SLC16A13: variants seen among roughly 807,000 people sequenced by gnomAD.
The protein encoded by SLC16A13 is solute carrier family 16 member 13, also known as monocarboxylate transporter 13.
A neutral mutation model predicts 28.1 loss-of-function variants in SLC16A13; 28 were observed. The observed-to-expected ratio is 1.00, with a 90% CI of 0.74 to 1.37. SLC16A13 has a LOEUF of 1.37. SLC16A13 is among the 40% of genes most tolerant of loss of function. The pLI is 0.00. For missense variants in SLC16A13, 482 were observed against 531.8 expected (o/e 0.91, Z 0.92); for synonymous variants, 228 against 241.6 (o/e 0.94, Z 0.52).
chr17:7,036,592 C>T lies in SLC16A13; in HGVS notation c.199+11C>T, dbSNP rs1231316075. Reference sequence around the variant, plus strand: ...TGCAGCAGTTTGGGAGTGAGTGCGGCGCCTGGATCTGGCGGACTGCGACCC... The same window carrying T: ...TGCAGCAGTTTGGGAGTGAGTGCGGTGCCTGGATCTGGCGGACTGCGACCC... On this transcript the variant is annotated intron_variant, in intron 1 of 3. Coordinates refer to ENST00000308027, the MANE Select transcript of SLC16A13 (RefSeq NM_201566.3). 6.2e-7 allele frequency: 1 copy of T among 1,612,174 alleles called. No individual in the cohort carries two copies. The highest frequency in any genetic ancestry group is 1.7e-5 in the Admixed American group (1 of 60,022).
At position 7,039,259 on chromosome 17, in the gene SLC16A13, G is replaced by A. The variant is rs748819141; in HGVS notation, c.1081+370G>A. On this transcript the variant is annotated intron_variant, in intron 3 of 3. Transcript: ENST00000308027. The surrounding 1 kb of genome is among the most constrained non-coding windows in gnomAD (Gnocchi z 4.3). ...CCTGGTCAAAGTTCTGCTGGCTCAG[G>A]GTGCCAGAACTTTCAGACCTTTATC... Among the ~76,000 whole-genome samples, 1 of 152,106 alleles carries A rather than the reference G, an allele frequency of 6.6e-6. No individual in the cohort carries two copies. The highest frequency in any genetic ancestry group is 1.5e-5 in the Non-Finnish European group (1 of 68,000).
chr17:7,036,358 T>C lies in SLC16A13; in HGVS notation c.-25T>C, dbSNP rs368051867. The C allele has an allele frequency of 1.9e-6, 3 of 1,589,532 alleles. No individual in the cohort carries two copies. The highest frequency in any genetic ancestry group is 1.7e-6 in the Non-Finnish European group (2 of 1,168,210). On this transcript the variant is annotated 5_prime_UTR_variant, in exon 1 of 4. Transcript: ENST00000308027. ...ACCCGGCTCCTGCAGAGGCTCTGGG[T>C]GGCAGCAGCCCTGTTACCGCTTAGA...
rs767787379 is a variant in SLC16A13 at position 7,036,725 on chromosome 17, A to T, written c.200-2A>T. 14 of 1,612,134 alleles carry T rather than the reference A, an allele frequency of 8.7e-6. No individual in the cohort carries two copies. Among genetic ancestry groups the T allele is most frequent in the Non-Finnish European group, 1.1e-5 (13 of 1,179,936 alleles). On this transcript the variant is annotated splice_acceptor_variant, in intron 1 of 3. Coordinates refer to ENST00000308027, the MANE Select transcript of SLC16A13 (RefSeq NM_201566.3). LOFTEE classifies it high-confidence loss of function. ...CTCGCAGCGCCCCTTCCACTTCCTCAGGCCCGGTAGGCAGTGCCCTGAGCA... is the reference window on the plus strand; with the variant it reads ...CTCGCAGCGCCCCTTCCACTTCCTCTGGCCCGGTAGGCAGTGCCCTGAGCA...
chr17:7,036,293 C>G lies in SLC16A13; in HGVS notation c.-90C>G, dbSNP rs1158891942. 2 of 1,383,510 alleles carry G rather than the reference C, an allele frequency of 1.4e-6. No individual in the cohort carries two copies. Among genetic ancestry groups the G allele is most frequent in the Non-Finnish European group, 2.0e-6 (2 of 1,018,244 alleles). The allele number at this position is 1,383,510 out of a possible 1,614,324, so 85.7% of individuals were successfully genotyped here. ...CCAACCCCTCTCGGCCCCGAGCCAC[C>G]CGGCAGCGGGGGTGGGTGTGCAGAG... On this transcript the variant is annotated 5_prime_UTR_variant, in exon 1 of 4. Coordinates refer to ENST00000308027, the MANE Select transcript of SLC16A13 (RefSeq NM_201566.3).
Position 7,038,752 on chromosome 17 carries a change from G to T in SLC16A13, c.944G>T (p.Gly315Val). Residue 315 changes from glycine (G) to valine (V), a missense_variant, in exon 3 of 4, where the codon GGC (glycine) becomes GTC (valine). By Grantham distance (109) the Gly-to-Val change is moderately radical. Transcript: ENST00000308027. This position sits in a 1 kb window ranked among gnomAD's most constrained non-coding sequence, Gnocchi z 5.7. ...TALVALAVAY[G>V]FTSGALAPLA... ...CTGGTGGCTCTGGCTGTGGCCTACGGCTTCACATCAGGGGCTCTGGCCCCA... is the reference window on the plus strand; with the variant it reads ...CTGGTGGCTCTGGCTGTGGCCTACGTCTTCACATCAGGGGCTCTGGCCCCA... The T allele has an allele frequency of 6.2e-7, 1 of 1,614,082 alleles. No individual in the cohort carries two copies. Among genetic ancestry groups the T allele is most frequent in the Non-Finnish European group, 8.5e-7 (1 of 1,179,964 alleles).
At chr17:7,037,358 A>AAAAAAAAAAG in intron 2 of SLC16A13, among the ~76,000 whole-genome samples, 1 of 140,318 alleles carries the variant, frequency 7.1e-6, no homozygotes, top group Non-Finnish European at 1.6e-5. Flanking sequence ...AAAAAAAAAA[A>AAAAAAAAAAG]AGATGAAACC....
Position 7,039,222 on chromosome 17 carries a change from G to T in SLC16A13, c.1081+333G>T, listed in dbSNP as rs929791048. Among the ~76,000 whole-genome samples, 1 of 152,160 alleles carries T rather than the reference G, an allele frequency of 6.6e-6. No homozygotes were observed. Among genetic ancestry groups the T allele is most frequent in the African/African-American group, 2.4e-5 (1 of 41,434 alleles). ...TTTGGCCTACTGGGCCCCAAACCAG[G>T]TATCTGAGGCACCTGGTCAAAGTTC... On this transcript the variant is annotated intron_variant, in intron 3 of 3. Coordinates refer to ENST00000308027, the MANE Select transcript of SLC16A13 (RefSeq NM_201566.3). The surrounding 1 kb of genome is among the most constrained non-coding windows in gnomAD (Gnocchi z 4.3).
intron 2 of SLC16A13, among the ~76,000 whole-genome samples, chr17:7,037,469 G>A (rs1300654353): frequency 5.9e-5 from 9 of 151,382 alleles, no homozygotes; most frequent in Non-Finnish European, 1.3e-4. Flanking sequence ...GCTCACGCCT[G>A]TAATCCCAGC....
chr17:7,039,945 G>A lies in SLC16A13; in HGVS notation c.1264G>A (p.Gly422Arg). Residue 422 changes from glycine to arginine, a missense_variant, in exon 4 of 4, where the codon GGG (glycine) becomes AGG (arginine). Gly to Arg is a moderately radical substitution (Grantham distance 125, BLOSUM62 -2). Coordinates refer to ENST00000308027, the MANE Select transcript of SLC16A13 (RefSeq NM_201566.3). The surrounding 1 kb of genome is among the most constrained non-coding windows in gnomAD (Gnocchi z 4.3). ...LDTKVPLPKEGLEED is the reference protein window; with the variant it reads ...LDTKVPLPKERLEED ...TACTAAAGTTCCCCTACCCAAGGAGGGGCTGGAAGAGGACTGAACTCCACA... is the reference window on the plus strand; with the variant it reads ...TACTAAAGTTCCCCTACCCAAGGAGAGGCTGGAAGAGGACTGAACTCCACA... The A allele has an allele frequency of 1.2e-6, 2 of 1,613,768 alleles. No homozygotes were observed. Among genetic ancestry groups the A allele is most frequent in the Non-Finnish European group, 8.5e-7 (1 of 1,179,994 alleles).
At position 7,039,881 on chromosome 17, in the gene SLC16A13, T is replaced by C; in HGVS notation, c.1200T>C (p.Thr400=). The change falls in exon 4 of 4, where the codon ACT becomes ACC. Residue 400 remains threonine, a synonymous_variant. Coordinates refer to ENST00000308027, the MANE Select transcript of SLC16A13 (RefSeq NM_201566.3). The surrounding 1 kb of genome is among the most constrained non-coding windows in gnomAD (Gnocchi z 4.3). ...CCCACTTCTTCTGCTTCTCAACTACTACCTCCGGGCCCCAGGACCTTGTAA... is the reference window on the plus strand; with the variant it reads ...CCCACTTCTTCTGCTTCTCAACTACCACCTCCGGGCCCCAGGACCTTGTAA... ...TLPHFFCFST[T]TSGPQDLVTE... is the part of the protein sequence containing the mutation. The C allele has an allele frequency of 1.2e-6, 2 of 1,614,122 alleles. No individual in the cohort carries two copies.
chr17:7,039,794 G>C lies in SLC16A13; in HGVS notation c.1113G>C (p.Thr371=), dbSNP rs369840777. The C allele has an allele frequency of 6.6e-5, 106 of 1,614,010 alleles. No homozygotes were observed. The highest frequency in any genetic ancestry group is 8.1e-5 in the Non-Finnish European group (96 of 1,180,038). The change falls in exon 4 of 4, where the codon ACG becomes ACC. Residue 371 remains threonine, a synonymous_variant. Coordinates refer to ENST00000308027, the MANE Select transcript of SLC16A13 (RefSeq NM_201566.3). This position sits in a 1 kb window ranked among gnomAD's most constrained non-coding sequence, Gnocchi z 4.3. The part of the protein sequence containing the change: ...GYLRDVTGNY[T]ASFVVAGAFL... ...TCCGGGATGTGACAGGCAACTACAC[G>C]GCTTCTTTTGTGGTGGCTGGGGCCT...
At position 7,038,599 on chromosome 17, in the gene SLC16A13, T is replaced by G. The variant is rs758403117; in HGVS notation, c.791T>G (p.Val264Gly). The change falls in exon 3 of 4, where the codon GTG becomes GGG. Residue 264 changes from valine (V) to glycine (G), a missense_variant. By Grantham distance (109) the Val-to-Gly change is moderately radical. Coordinates refer to ENST00000308027, the MANE Select transcript of SLC16A13 (RefSeq NM_201566.3). This position sits in a 1 kb window ranked among gnomAD's most constrained non-coding sequence, Gnocchi z 5.7. ...LLSVVAISDL[V>G]GRVVSGWLGD... is the part of the protein sequence containing the mutation. ...TCAGTTGTTGCTATTTCTGACCTCG[T>G]GGGGCGTGTGGTCTCCGGATGGCTG... The G allele has an allele frequency of 1.1e-5, 17 of 1,614,162 alleles. No individual in the cohort carries two copies. Among genetic ancestry groups the G allele is most frequent in the East Asian group, 4.5e-5 (2 of 44,882 alleles).
intron 2 of SLC16A13, among the ~76,000 whole-genome samples, chr17:7,037,930 CA>C (rs1910626114): frequency 6.6e-6 from 1 of 152,144 alleles, no homozygotes. Context: ...TCCACAATCC[CA>C]AAAAGTGTAT....
Position 7,038,349 on chromosome 17 carries a change from C to A in SLC16A13, c.541C>A (p.His181Asn). 6.2e-7 allele frequency: 1 copy of A among 1,614,126 alleles called. No homozygotes were observed. Among genetic ancestry groups the A allele is most frequent in the Non-Finnish European group, 8.5e-7 (1 of 1,180,014 alleles). Residue 181 changes from histidine to asparagine, a missense_variant, in exon 3 of 4, where the codon CAC (histidine) becomes AAC (asparagine). Physicochemically the swap from His to Asn is moderately conservative, Grantham distance 68 (BLOSUM62 1). Transcript: ENST00000308027. The surrounding 1 kb of genome is among the most constrained non-coding windows in gnomAD (Gnocchi z 5.7). ...SLLLVSALSLHLVACGALLRP... is the reference protein window; with the variant it reads ...SLLLVSALSLNLVACGALLRP... ...GCTGCTGGTGTCTGCCCTCTCCCTC[C>A]ACCTAGTGGCCTGTGGTGCTCTCCT...
Position 7,039,784 on chromosome 17 carries a change from G to A in SLC16A13, c.1103G>A (p.Gly368Asp). 1.2e-6 allele frequency: 2 copies of A among 1,614,154 alleles called. No individual in the cohort carries two copies. The highest frequency in any genetic ancestry group is 1.7e-6 in the Non-Finnish European group (2 of 1,180,026). Residue 368 changes from glycine to aspartate, a missense_variant, in exon 4 of 4, where the codon GGC (glycine) becomes GAC (aspartate). Gly to Asp is a moderately conservative substitution (Grantham distance 94). Transcript: ENST00000308027. This position sits in a 1 kb window ranked among gnomAD's most constrained non-coding sequence, Gnocchi z 4.3. ...CTAGGCTACCTCCGGGATGTGACAG[G>A]CAACTACACGGCTTCTTTTGTGGTG... ...PLSGYLRDVT[G>D]NYTASFVVAG... is the part of the protein sequence containing the mutation.
At chr17:7,036,989 AC>A in intron 2 of SLC16A13, 119 bp downstream of exon 2, 1 of 1,221,370 alleles carries the variant, frequency 8.2e-7, no homozygotes, top group South Asian at 1.4e-5. Context: ...TAGCACCTGT[AC>A]CCAGAAGGGA....
At position 7,039,966 on chromosome 17, in the gene SLC16A13, CCA is replaced by C. The variant is rs1204460320; in HGVS notation, c.*7_*8del. 7.4e-6 allele frequency: 12 copies of C among 1,612,320 alleles called. No homozygotes were observed. The highest frequency in any genetic ancestry group is 6.8e-6 in the Non-Finnish European group (8 of 1,179,420). ...GGAGGGGCTGGAAGAGGACTGAACT[CCA>C]CAGAGTCAGGCCCAGAAAGCCAAAG... On this transcript the variant is annotated 3_prime_UTR_variant, in exon 4 of 4. Transcript: ENST00000308027. The surrounding 1 kb of genome is among the most constrained non-coding windows in gnomAD (Gnocchi z 4.3).
intron 2 of SLC16A13, among the ~76,000 whole-genome samples, chr17:7,037,462 C>G (rs1448435766): frequency 6.6e-6 from 1 of 150,878 alleles, no homozygotes; most frequent in Admixed American, 6.6e-5. Flanking sequence ...CACGGTGGCT[C>G]ACGCCTGTAA....
At chr17:7,037,120 G>A (rs1910601825) in intron 2 of SLC16A13, 1 of 347,076 alleles carries the variant, frequency 2.9e-6, no homozygotes, top group Non-Finnish European at 5.4e-6. Flanking sequence ...GGGAAGCCGA[G>A]GCGGGTGGAT....
Sources: allele counts gnomAD v4.1 joint callset (sites outside exome capture counted in the v4.1 genomes callset), GRCh38; gene constraint gnomAD v4.1.1; non-coding constraint Gnocchi (gnomAD v3.1); transcripts MANE v1.5; gene names NCBI Gene and HGNC (gene_info 2026-07-23, HGNC 2026-07-21).